The following RBM27 variants were observed in gnomAD, a reference collection of about 807,000 sequenced individuals.
RBM27 encodes the protein RNA binding motif protein 27, also known as RNA-binding protein 27.
In RBM27, 22 loss-of-function variants were observed where a neutral mutation model predicts 135.3. The observed-to-expected ratio is 0.16, with a 90% CI of 0.12 to 0.23. The LOEUF is 0.23. RBM27 is among the 10% of genes least tolerant of loss of function. The probability of loss-of-function intolerance (pLI) is 1.00; values close to 1 mark genes in which losing one functional copy is unlikely to be tolerated. For missense variants in RBM27, 1,009 were observed against 1,281.0 expected (o/e 0.79, Z 3.24); for synonymous variants, 481 against 442.4 (o/e 1.09, Z -1.10).
chr5:146,267,278 A>G (rs1180395646), intron 14 of RBM27, among the ~76,000 whole-genome samples: 1 of 152,218 alleles, frequency 6.6e-6, no homozygotes, highest in African/African-American at 2.4e-5. Flanking sequence ...AGCGGCAGTC[A>G]TTACCAGGAT....
At chr5:146,223,209 T>C (rs1052051898) in intron 2 of RBM27, among the ~76,000 whole-genome samples, 194 bp from the exon 3 acceptor site, 1 of 152,160 alleles carries the variant, frequency 6.6e-6, no homozygotes, top group Non-Finnish European at 1.5e-5. Context: ...TAATCTTACA[T>C]ATATATCATT....
intron 2 of RBM27, among the ~76,000 whole-genome samples, chr5:146,220,448 A>G (rs1423666772): frequency 6.8e-6 from 1 of 147,236 alleles, no homozygotes; most frequent in African/African-American, 2.5e-5. Context: ...GCATTCCAGA[A>G]TGGGCGACTG....
intron 13 of RBM27, among the ~76,000 whole-genome samples, chr5:146,262,431 G>GT (rs1680156953): frequency 6.6e-6 from 1 of 152,062 alleles, no homozygotes; most frequent in African/African-American, 2.4e-5. Context: ...TCTATCCCTA[G>GT]TGCCTAAAAC....
chr5:146,207,247 G>GA (rs2126664781), intron 1 of RBM27, among the ~76,000 whole-genome samples: 1 of 152,044 alleles, frequency 6.6e-6, no homozygotes, highest in South Asian at 2.1e-4. Context: ...TTTTGAGGTG[G>GA]AATCTCTCAC....
chr5:146,239,640 G>A (rs1757319452), intron 8 of RBM27, among the ~76,000 whole-genome samples: 1 of 151,684 alleles, frequency 6.6e-6, no homozygotes, highest in Non-Finnish European at 1.5e-5. Flanking sequence ...ACTATACCCA[G>A]CTAATCTTTT....
Position 146,229,901 on chromosome 5 carries a change from A to C in RBM27, c.580A>C (p.Arg194=), listed in dbSNP as rs201259907. ...GCGCAGCAAAGACCGGGATCCAAATAGGAATGTTGGTGAGTAGATGAGTGT... is the reference window on the plus strand; with the variant it reads ...GCGCAGCAAAGACCGGGATCCAAATCGGAATGTTGGTGAGTAGATGAGTGT... ...RGRSKDRDPN[R]NVEHRERSKF... The change falls in exon 5 of 21, where the codon AGG becomes CGG. Residue 194 remains arginine (R), a synonymous_variant. Transcript: ENST00000265271. 6.2e-7 allele frequency: 1 copy of C among 1,613,908 alleles called. No individual in the cohort carries two copies. Among genetic ancestry groups the C allele is most frequent in the East Asian group, 2.2e-5 (1 of 44,888 alleles).
At position 146,230,773 on chromosome 5, in the gene RBM27, A is replaced by G. The variant is rs1258316559; in HGVS notation, c.706A>G (p.Ile236Val). Reference protein sequence around the residue: ...SEQYSSGAQSIPSTVTVIAPA... With the variant: ...SEQYSSGAQSVPSTVTVIAPA... ...GCAGTATTCCTCTGGGGCACAGTCTATTCCCAGCACTGTTACTGTGATCGC... is the reference window on the plus strand; with the variant it reads ...GCAGTATTCCTCTGGGGCACAGTCTGTTCCCAGCACTGTTACTGTGATCGC... Residue 236 changes from isoleucine (I) to valine (V), a missense_variant, in exon 6 of 21, where the codon ATT (isoleucine) becomes GTT (valine). Transcript: ENST00000265271. The G allele has an allele frequency of 8.1e-6, 13 of 1,614,080 alleles. No individual in the cohort carries two copies. In the South Asian group the frequency reaches 9.9e-5, roughly 12 times the overall value.
chr5:146,232,524 CAT>C (rs948917019), intron 6 of RBM27, among the ~76,000 whole-genome samples: 2 of 152,098 alleles, frequency 1.3e-5, no homozygotes, highest in African/African-American at 4.8e-5. Context: ...TATGTTAAAA[CAT>C]AGAGAGCTTT....
At position 146,217,464 on chromosome 5, in the gene RBM27, G is replaced by GTTTTTTTTTTTTTT. The variant is rs545963169; in HGVS notation, c.60-1507_60-1494dup. 1.3e-4 allele frequency among the ~76,000 whole-genome samples: 9 copies of GTTTTTTTTTTTTTT among 70,768 alleles called. 2 individuals carry two copies. The highest frequency in any genetic ancestry group is 5.5e-4 in the African/African-American group (9 of 16,492). 46.4% of individuals were successfully genotyped at this position (70,768 alleles called of 152,430 possible). A position where few individuals can be genotyped will look rare whatever the true frequency, so the allele number is the denominator to read the frequency against. On this transcript the variant is annotated intron_variant, in intron 1 of 20. Transcript: ENST00000265271. ...GATTGATACTCTTGAGCTGAAGCCTGTTTTTTTTTTTTTTTTTTTTTTTTT... is the reference window on the plus strand; with the variant it reads ...GATTGATACTCTTGAGCTGAAGCCTGTTTTTTTTTTTTTTTTTTTTTTTTTTTTTTTTTTTTTTT...
intron 8 of RBM27, among the ~76,000 whole-genome samples, chr5:146,249,191 C>T (rs1163882613): frequency 6.6e-6 from 1 of 151,926 alleles, no homozygotes; most frequent in African/African-American, 2.4e-5. Context: ...GTATGTTACT[C>T]AGGCTGGTCT....
chr5:146,242,265 G>A (rs892688926), intron 8 of RBM27, among the ~76,000 whole-genome samples: 2 of 152,148 alleles, frequency 1.3e-5, no homozygotes, highest in African/African-American at 2.4e-5. Flanking sequence ...TTATGAAATA[G>A]CACTACATAT....
At chr5:146,256,999 A>G (rs1306907087) in intron 10 of RBM27, among the ~76,000 whole-genome samples, 3 of 152,250 alleles carry the variant, frequency 2.0e-5, no homozygotes, top group Non-Finnish European at 4.4e-5. Context: ...ATGCCATCGC[A>G]GTTGCTATCT....
rs1242289164 is a variant in RBM27, at chr5:146,226,925, A to G, written c.304-2021A>G. ...TAGTAGTGCATAAACATAATTGTTTATAGTATTTCTGTTAGATAATAGAGT... is the reference window on the plus strand; with the variant it reads ...TAGTAGTGCATAAACATAATTGTTTGTAGTATTTCTGTTAGATAATAGAGT... On this transcript the variant is annotated intron_variant, in intron 3 of 20. Transcript: ENST00000265271. Among the ~76,000 whole-genome samples, 3 of 152,356 alleles carry G rather than the reference A, an allele frequency of 2.0e-5. No homozygotes were observed. The East Asian group carries it at 5.8e-4, about 29-fold the overall frequency.
chr5:146,207,951 G>GTTTTT (rs11401604), intron 1 of RBM27, among the ~76,000 whole-genome samples: 7 of 81,214 alleles, frequency 8.6e-5, no homozygotes, highest in Non-Finnish European at 1.1e-4. Context: ...GGCCTAACAG[G>GTTTTT]TTTTTTTTTT....
intron 8 of RBM27, among the ~76,000 whole-genome samples, chr5:146,243,222 C>T (rs777027299): frequency 3.3e-5 from 5 of 151,938 alleles, no homozygotes; most frequent in Non-Finnish European, 5.9e-5. Context: ...GCTGAGATTG[C>T]GCCATTGCAC....
Position 146,271,607 on chromosome 5 carries a change from G to A in RBM27, c.2921G>A (p.Arg974His), listed in dbSNP as rs776410490. 3.1e-6 allele frequency: 5 copies of A among 1,613,974 alleles called. No individual in the cohort carries two copies. Among genetic ancestry groups the A allele is most frequent in the South Asian group, 1.1e-5 (1 of 91,082 alleles). The change falls in exon 19 of 21, where the codon CGT becomes CAT. Residue 974 changes from arginine to histidine, a missense_variant. By Grantham distance (29) the Arg-to-His change is conservative. Transcript: ENST00000265271. ...CTAAATCACATGGTGGTGGACCATC[G>A]TCCCAAAGCACTAACAGTTGGAGGA... ...GSLNHMVVDH[R>H]PKALTVGGFI...
At chr5:146,249,733 T>C (rs1194277247) in intron 8 of RBM27, among the ~76,000 whole-genome samples, 1 of 121,636 alleles carries the variant, frequency 8.2e-6, no homozygotes, top group Non-Finnish European at 1.8e-5. Flanking sequence ...AAAAAGAAAA[T>C]ATGTTATATT....
chr5:146,203,807 C>T lies in RBM27; in HGVS notation c.42C>T (p.Ala14=). 6.6e-7 allele frequency: 1 copy of T among 1,503,862 alleles called. No homozygotes were observed. The allele number at this position is 1,503,862 out of a possible 1,614,324, so 93.2% of individuals were successfully genotyped here. ...TGGATGCCCTCAAGTCCTGGCTGGC[C>T]AAGTTACTGGAGCCGATGTGAGTGA... ...EDVDALKSWL[A]KLLEPICDAD... is the part of the protein sequence containing the mutation. Residue 14 remains alanine (A), a synonymous_variant, in exon 1 of 21, where the codon GCC becomes GCT. Transcript: ENST00000265271.
chr5:146,271,809 C>A, intron 19 of RBM27, 135 bp downstream of exon 19: 2 of 696,446 alleles, frequency 2.9e-6, no homozygotes, highest in Middle Eastern at 4.2e-4. Flanking sequence ...CTACCAAATG[C>A]CTATTTAATA....
Sources: allele counts gnomAD v4.1 joint callset (sites outside exome capture counted in the v4.1 genomes callset), GRCh38; gene constraint gnomAD v4.1.1; transcripts MANE v1.5; gene names NCBI Gene and HGNC (gene_info 2026-07-23, HGNC 2026-07-21).